Variants in CTXN2 observed in about 807,000 individuals in gnomAD.
CTXN2 encodes cortexin-2.
Under a neutral mutation model 5.7 loss-of-function variants are expected in CTXN2, and 3 were observed. That is an observed-to-expected ratio of 0.53 (90% CI 0.24 to 1.36). The LOEUF (loss-of-function observed/expected upper bound fraction) is 1.36. Among genes scored for constraint, CTXN2 ranks in the 40% most tolerant of loss-of-function variants. CTXN2 has a pLI of 0.17. For synonymous variants in CTXN2, 38 were observed against 36.4 expected, an observed-to-expected ratio of 1.04 and a Z score of -0.16; for missense variants, 87 against 93.0, an observed-to-expected ratio of 0.94 and a Z score of 0.26.
intron 1 of CTXN2, among the ~76,000 whole-genome samples, chr15:48,198,002 A>G (rs2040895281): frequency 6.6e-6 from 1 of 152,142 alleles, no homozygotes; most frequent in Admixed American, 6.5e-5. Context: ...CAATGTCACT[A>G]CAGTTGAATA....
intron 1 of CTXN2, among the ~76,000 whole-genome samples, chr15:48,180,764 C>T (rs545002001): frequency 1.9e-4 from 29 of 152,338 alleles, no homozygotes; most frequent in Non-Finnish European, 4.0e-4. Context: ...CCTGCCTTGG[C>T]CTCCCAAATT....
In CTXN2 at chr15:48,201,262, A is replaced by C; in HGVS notation, c.-39A>C. 2 of 1,546,348 alleles carry C rather than the reference A, an allele frequency of 1.3e-6. No individual in the cohort carries two copies. The highest frequency in any genetic ancestry group is 1.7e-4 in the Middle Eastern group (1 of 5,960). On this transcript the variant is annotated 5_prime_UTR_variant, in exon 2 of 2. Transcript: ENST00000417307. ...TACCTAGGCAAAGAGTTGATTCCAG[A>C]AGGAACTGTGAAGAGCCACAACAAT... is the stretch of plus-strand genomic sequence containing the variant.
chr15:48,181,751 A>C (rs983483343), intron 1 of CTXN2, among the ~76,000 whole-genome samples: 8 of 152,182 alleles, frequency 5.3e-5, no homozygotes, highest in African/African-American at 1.9e-4. Flanking sequence ...GGGTATTCAG[A>C]AACTCAAAAA....
intron 1 of CTXN2, among the ~76,000 whole-genome samples, chr15:48,178,976 G>A (rs566431842): frequency 2.2e-4 from 34 of 151,624 alleles, no homozygotes; most frequent in African/African-American, 8.0e-4. Flanking sequence ...TCGTCTACTA[G>A]ATGGGCTAAT....
At chr15:48,181,282 C>T (rs1029698939) in intron 1 of CTXN2, among the ~76,000 whole-genome samples, 4 of 152,204 alleles carry the variant, frequency 2.6e-5, no homozygotes, top group Non-Finnish European at 4.4e-5. Flanking sequence ...CTTAATCTTT[C>T]GCCATCCTAG....
upstream of CTXN2, chr15:48,189,975 A>C (rs553934161): frequency 1.3e-5 from 2 of 152,170 alleles, no homozygotes; most frequent in South Asian, 4.2e-4. Context: ...CACCCAGCTA[A>C]TTTTTGTATT....
chr15:48,200,842 C>T (rs2040922346), intron 1 of CTXN2, among the ~76,000 whole-genome samples: 1 of 152,110 alleles, frequency 6.6e-6, no homozygotes, highest in Non-Finnish European at 1.5e-5. Flanking sequence ...CTTTAAACAG[C>T]TTGAGCAGCT....
intron 1 of CTXN2, among the ~76,000 whole-genome samples, chr15:48,183,312 A>G (rs532232742): frequency 1.4e-4 from 22 of 152,362 alleles, no homozygotes; most frequent in Non-Finnish European, 2.6e-4. Context: ...ATAGAAAACA[A>G]CAACTTACAA....
At chr15:48,199,764 T>C (rs2040912939) in intron 1 of CTXN2, among the ~76,000 whole-genome samples, 2 of 152,160 alleles carry the variant, frequency 1.3e-5, no homozygotes, top group South Asian at 4.1e-4. Flanking sequence ...AGCCAATAAG[T>C]GTCCCTATGT....
chr15:48,195,281 T>C (rs1415329206), intron 1 of CTXN2, among the ~76,000 whole-genome samples: 1 of 152,040 alleles, frequency 6.6e-6, no homozygotes, highest in Non-Finnish European at 1.5e-5. Flanking sequence ...CTCCTACTTT[T>C]CTAAATATCT....
At chr15:48,184,530 A>G (rs918301726) in intron 1 of CTXN2, among the ~76,000 whole-genome samples, 1 of 152,208 alleles carries the variant, frequency 6.6e-6, no homozygotes, top group Non-Finnish European at 1.5e-5. Context: ...CAAATGAAAA[A>G]TAAGCAAATG....
In CTXN2 at chr15:48,181,847, TATAAATTGCTGG is replaced by T. The variant is rs553150134; in HGVS notation, c.-455+3450_-455+3461del. Reference sequence around the variant, plus strand: ...ATTTTTAAGTCAATTTGCTTCACTATATAAATTGCTGGATTTGAAGGCATGAAGTTTCTAAAC... The same window carrying T: ...ATTTTTAAGTCAATTTGCTTCACTATATTTGAAGGCATGAAGTTTCTAAAC... On this transcript the variant is annotated intron_variant, in intron 1 of 2. Transcript: ENST00000644354. 3.5e-3 allele frequency among the ~76,000 whole-genome samples: 538 copies of T among 152,306 alleles called. 1 individual carries two copies. The highest frequency in any genetic ancestry group is 0.013 in the African/African-American group (520 of 41,566).
chr15:48,183,777 A>G (rs918080578), intron 1 of CTXN2, among the ~76,000 whole-genome samples: 2 of 152,204 alleles, frequency 1.3e-5, no homozygotes, highest in African/African-American at 4.8e-5. Flanking sequence ...TCAGGCTACT[A>G]AAGAGACTGC....
At chr15:48,187,162 C>T (rs1395383704), upstream of CTXN2, among the ~76,000 whole-genome samples, 1 of 148,458 alleles carries the variant, frequency 6.7e-6, no homozygotes, top group Non-Finnish European at 1.5e-5. Flanking sequence ...CTTATTCCTC[C>T]CCCCGAAACA....
chr15:48,198,553 A>G (rs2140987475), intron 1 of CTXN2, among the ~76,000 whole-genome samples: 1 of 152,306 alleles, frequency 6.6e-6, no homozygotes, highest in African/African-American at 2.4e-5. Context: ...TGTATGATGG[A>G]CATATTATAT....
chr15:48,192,872 T>C (rs1417206352), intron 1 of CTXN2, among the ~76,000 whole-genome samples: 1 of 152,216 alleles, frequency 6.6e-6, no homozygotes, highest in East Asian at 1.9e-4. Context: ...TTAGTTTCTG[T>C]AATTGTGCAT....
chr15:48,195,888 G>T lies in CTXN2; in HGVS notation c.-58+4035G>T, dbSNP rs115504524. 2.2e-3 allele frequency among the ~76,000 whole-genome samples: 334 copies of T among 152,090 alleles called. 2 individuals are homozygous for T. Among genetic ancestry groups the T allele is most frequent in the African/African-American group, 7.7e-3 (318 of 41,532 alleles). Reference sequence around the variant, plus strand: ...TTCCTTTTTTATTGCTTTTGTAGAAGCCTATGTTGTTGTTTCTTTCCTTGT... The same window carrying T: ...TTCCTTTTTTATTGCTTTTGTAGAATCCTATGTTGTTGTTTCTTTCCTTGT... On this transcript the variant is annotated intron_variant, in intron 1 of 1. Coordinates refer to ENST00000417307, the MANE Select transcript of CTXN2 (RefSeq NM_001145668.2).
chr15:48,192,725 A>G (rs1189008364), intron 1 of CTXN2, among the ~76,000 whole-genome samples: 1 of 152,190 alleles, frequency 6.6e-6, no homozygotes, highest in Non-Finnish European at 1.5e-5. Flanking sequence ...CTAGAACATC[A>G]TATTCCACTC....
At chr15:48,185,077 C>T (rs530795516) in intron 1 of CTXN2, among the ~76,000 whole-genome samples, 122 of 152,166 alleles carry the variant, frequency 8.0e-4, no homozygotes, top group Admixed American at 1.6e-3. Flanking sequence ...TGACTCTATA[C>T]ATACATTCTG....
Sources: gnomAD v4.1 joint callset for allele counts (sites outside exome capture counted in the v4.1 genomes callset) on GRCh38, gnomAD v4.1.1 for gene constraint, MANE v1.5 for transcripts, NCBI Gene and HGNC (gene_info 2026-07-23, HGNC 2026-07-21) for gene names.